The following BLM variants were observed in gnomAD, a reference collection of about 807,000 sequenced individuals.
BLM encodes recQ-like DNA helicase BLM.
A neutral mutation model predicts 135.3 loss-of-function variants in BLM; 95 were observed. That is an observed-to-expected ratio of 0.70 (90% CI 0.59 to 0.83). The LOEUF (loss-of-function observed/expected upper bound fraction) is 0.83. Among genes scored for constraint, BLM ranks in the 40% least tolerant of loss-of-function variants. The probability of loss-of-function intolerance (pLI) is 0.00; values close to 1 mark genes in which losing one functional copy is unlikely to be tolerated. For synonymous variants in BLM, 520 were observed against 589.2 expected, an observed-to-expected ratio of 0.88 and a Z score of 1.70; for missense variants, 1,518 against 1,663.9, an observed-to-expected ratio of 0.91 and a Z score of 1.53.
intron 1 of BLM, among the ~76,000 whole-genome samples, chr15:90,721,566 AC>A (rs869218936): frequency 6.6e-6 from 1 of 151,812 alleles, no homozygotes; most frequent in Non-Finnish European, 1.5e-5. Context: ...TAGGTGATCT[AC>A]CCACTTTGGC....
intron 5 of BLM, chr15:90,755,347 G>T: frequency 4.9e-6 from 1 of 203,568 alleles, no homozygotes; most frequent in Non-Finnish European, 1.0e-5. Context: ...AATATTATTA[G>T]GTCTTTTAAC....
intron 1 of BLM, among the ~76,000 whole-genome samples, chr15:90,745,735 A>C (rs1007457821): frequency 3.3e-5 from 5 of 152,114 alleles, no homozygotes; most frequent in African/African-American, 9.7e-5. Context: ...TATAGTAGTG[A>C]AGTATGGGCT....
At chr15:90,757,501 G>A (rs1313481480) in intron 5 of BLM, among the ~76,000 whole-genome samples, 2 of 152,138 alleles carry the variant, frequency 1.3e-5, no homozygotes, top group Non-Finnish European at 2.9e-5. Context: ...TCCTTGCAGA[G>A]AAAACAGAAG....
At chr15:90,728,665 CAA>C (rs1235073247) in intron 1 of BLM, among the ~76,000 whole-genome samples, 1 of 152,024 alleles carries the variant, frequency 6.6e-6, no homozygotes, top group Non-Finnish European at 1.5e-5. Context: ...CTTGGCCTCC[CAA>C]AGTGCTGAGA....
chr15:90,777,285 G>A (rs1896504028), intron 12 of BLM, among the ~76,000 whole-genome samples: 1 of 152,080 alleles, frequency 6.6e-6, no homozygotes, highest in African/African-American at 2.4e-5. Flanking sequence ...CCAAGTAGCT[G>A]GGATTACAGG....
intron 13 of BLM, among the ~76,000 whole-genome samples, chr15:90,783,816 G>A (rs533954002): frequency 3.3e-5 from 5 of 152,228 alleles, no homozygotes; most frequent in Middle Eastern, 3.4e-3. Context: ...GCTTGAACCC[G>A]GGAGGCAGAG....
chr15:90,802,784 A>C (rs1897193184), intron 17 of BLM, among the ~76,000 whole-genome samples: 1 of 152,114 alleles, frequency 6.6e-6, no homozygotes, highest in South Asian at 2.1e-4. Context: ...TCTCTACAAA[A>C]AAATTAAATA....
At chr15:90,746,453 CATGAAGATTTCTCA>C (rs1204201514) in intron 1 of BLM, among the ~76,000 whole-genome samples, 1 of 152,144 alleles carries the variant, frequency 6.6e-6, no homozygotes, top group East Asian at 1.9e-4. Context: ...TGCTTATAAA[CATGAAGATTTCTCA>C]ATTGGATGTA....
In BLM at chr15:90,815,718, C is replaced by G. The variant is rs898338050; in HGVS notation, c.*439C>G. 3.0e-5 allele frequency: 6 copies of G among 197,322 alleles called. No homozygotes were observed. Among genetic ancestry groups the G allele is most frequent in the African/African-American group, 1.4e-4 (6 of 41,812 alleles). 12.2% of individuals were successfully genotyped at this position (197,322 alleles called of 1,614,324 possible). A position where few individuals can be genotyped will look rare whatever the true frequency, so the allele number is the denominator to read the frequency against. On this transcript the variant is annotated 3_prime_UTR_variant, in exon 22 of 22. Transcript: ENST00000355112. This position sits in a 1 kb window ranked among gnomAD's most constrained non-coding sequence, Gnocchi z 4.6. ...ATCCATCATACCAAATACCCGTGAA[C>G]CAGTCAGAAACATCCCAGGGGGCAG...
In BLM at chr15:90,747,398, T is replaced by C; in HGVS notation, c.6T>C (p.Ala2=). 1 of 1,608,060 alleles carries C rather than the reference T, an allele frequency of 6.2e-7. No individual in the cohort carries two copies. Among genetic ancestry groups the C allele is most frequent in the Non-Finnish European group, 8.5e-7 (1 of 1,176,036 alleles). M[A]AVPQNNLQEQ... is the part of the protein sequence containing the mutation. ...TTCCCTCACTTTTTAGGATTATGGC[T>C]GCTGTTCCTCAAAATAATCTACAGG... The change falls in exon 2 of 22, where the codon GCT becomes GCC. Residue 2 remains alanine (A), a synonymous_variant. Transcript: ENST00000355112.
intron 1 of BLM, among the ~76,000 whole-genome samples, chr15:90,744,307 A>G (rs1004339488): frequency 3.9e-5 from 6 of 151,946 alleles, no homozygotes; most frequent in African/African-American, 1.5e-4. Flanking sequence ...TGTGGGAAAG[A>G]CTCCCACATT....
intron 1 of BLM, among the ~76,000 whole-genome samples, chr15:90,730,639 G>C (rs557289149): frequency 2.6e-5 from 4 of 152,096 alleles, no homozygotes; most frequent in African/African-American, 9.6e-5. Context: ...GTAGAGACAG[G>C]GTTTCACCAT....
chr15:90,795,814 G>A (rs1167372356), intron 16 of BLM, among the ~76,000 whole-genome samples: 2 of 152,230 alleles, frequency 1.3e-5, no homozygotes, highest in African/African-American at 4.8e-5. Flanking sequence ...GAATGGCACA[G>A]CAGAGTAAAA....
chr15:90,727,587 C>G (rs1209588326), intron 1 of BLM, among the ~76,000 whole-genome samples: 1 of 152,088 alleles, frequency 6.6e-6, no homozygotes, highest in Non-Finnish European at 1.5e-5. Context: ...GCCTAAGTGA[C>G]CAGCCCTCAA....
chr15:90,777,432 C>T (rs535285336), intron 12 of BLM, among the ~76,000 whole-genome samples: 120 of 152,290 alleles, frequency 7.9e-4, no homozygotes, highest in African/African-American at 2.8e-3. Flanking sequence ...GGATTAGAGG[C>T]GTGAGCCACT....
chr15:90,737,872 A>T (rs1228752099), intron 1 of BLM, among the ~76,000 whole-genome samples: 1 of 152,150 alleles, frequency 6.6e-6, no homozygotes, highest in Non-Finnish European at 1.5e-5. Context: ...AATTGACAAA[A>T]CAGAATTGAT....
At chr15:90,798,763 C>G (rs112888219) in intron 17 of BLM, among the ~76,000 whole-genome samples, 2 of 152,080 alleles carry the variant, frequency 1.3e-5, no homozygotes, top group South Asian at 4.2e-4. Context: ...GGGCGGATCA[C>G]CTGAGATCAG....
Position 90,760,697 on chromosome 15 carries a change from G to A in BLM, c.1324G>A (p.Asp442Asn). The change falls in exon 7 of 22, where the codon GAT becomes AAT. Residue 442 changes from aspartate (D) to asparagine (N), a missense_variant. Coordinates refer to ENST00000355112, the MANE Select transcript of BLM (RefSeq NM_000057.4). ...PDSLDGPMEG[D>N]SCPTGNSMKE... is the part of the protein sequence containing the mutation. Reference sequence around the variant, plus strand: ...TTCACTTGATGGCCCTATGGAGGGTGATTCCTGCCCTACAGGGAATTCTAT... The same window carrying A: ...TTCACTTGATGGCCCTATGGAGGGTAATTCCTGCCCTACAGGGAATTCTAT... 1 of 1,614,040 alleles carries A rather than the reference G, an allele frequency of 6.2e-7. No individual in the cohort carries two copies. The highest frequency in any genetic ancestry group is 8.5e-7 in the Non-Finnish European group (1 of 1,179,936).
chr15:90,806,328 T>A (rs1897284023), intron 19 of BLM, among the ~76,000 whole-genome samples: 1 of 152,102 alleles, frequency 6.6e-6, no homozygotes, highest in African/African-American at 2.4e-5. Context: ...CTGGCCAACA[T>A]GGTAAAACCC....
Sources: allele counts gnomAD v4.1 joint callset (sites outside exome capture counted in the v4.1 genomes callset), GRCh38; gene constraint gnomAD v4.1.1; non-coding constraint Gnocchi (gnomAD v3.1); transcripts MANE v1.5; gene names NCBI Gene and HGNC (gene_info 2026-07-23, HGNC 2026-07-21).